TNRC18: variants seen among roughly 807,000 people sequenced by gnomAD.
TNRC18 encodes the protein trinucleotide repeat containing 18, also known as trinucleotide repeat-containing gene 18 protein.
Under a neutral mutation model 226.7 loss-of-function variants are expected in TNRC18, and 69 were observed. That is an observed-to-expected ratio of 0.30 (90% CI 0.25 to 0.37). TNRC18 has a LOEUF of 0.37. Among genes scored for constraint, TNRC18 ranks in the 10% least tolerant of loss-of-function variants. TNRC18 has a pLI of 1.00. For missense variants in TNRC18, 4,754 were observed against 4,256.6 expected, an observed-to-expected ratio of 1.12 and a Z score of -3.25; for synonymous variants, 2,449 against 1,927.6, an observed-to-expected ratio of 1.27 and a Z score of -7.09.
At position 5,312,377 on chromosome 7, in the gene TNRC18, G is replaced by A. The variant is rs1273554648; in HGVS notation, c.8388+126C>T. On this transcript the variant is annotated intron_variant, in intron 27 of 29. Transcript: ENST00000430969. This position sits in a 1 kb window ranked among gnomAD's most constrained non-coding sequence, Gnocchi z 6.3. ...AGTGTACCCATCCATAAAGTGGGAC[G>A]CCAGCCCTCCACCCTGGGGTTCTGG... The A allele has an allele frequency of 2.2e-5, 30 of 1,386,148 alleles. No individual in the cohort carries two copies. Among genetic ancestry groups the A allele is most frequent in the Middle Eastern group, 2.6e-4 (1 of 3,810 alleles). The allele number at this position is 1,386,148 out of a possible 1,614,324, so 85.9% of individuals were successfully genotyped here. A position where few individuals can be genotyped will look rare whatever the true frequency, so the allele number is the denominator to read the frequency against.
chr7:5,377,176 C>T lies in TNRC18; in HGVS notation c.2462-183G>A, dbSNP rs1048425705. ...CCCCAGAGCCACCCGCATTGGGCAT[C>T]TGCCCCAAACAGGCATGGCAGAGGG... On this transcript the variant is annotated intron_variant, in intron 7 of 29. Transcript: ENST00000430969. This position sits in a 1 kb window ranked among gnomAD's most constrained non-coding sequence, Gnocchi z 5.8. 6.6e-6 allele frequency among the ~76,000 whole-genome samples: 1 copy of T among 152,240 alleles called. No individual in the cohort carries two copies. Among genetic ancestry groups the T allele is most frequent in the African/African-American group, 2.4e-5 (1 of 41,464 alleles).
intron 21 of TNRC18, among the ~76,000 whole-genome samples, chr7:5,321,851 T>C (rs929626984): frequency 2.6e-5 from 4 of 151,802 alleles, no homozygotes; most frequent in African/African-American, 9.7e-5. Context: ...TTTGTATTTT[T>C]AGTAGAGACG....
intron 24 of TNRC18, 23 bp from the exon 25 acceptor site, chr7:5,316,095 G>A (rs763687877): frequency 2.5e-6 from 4 of 1,595,348 alleles, no homozygotes; most frequent in Non-Finnish European, 3.4e-6. Flanking sequence ...GGGAGGCTCA[G>A]GGGAGGCCCT....
intron 18 of TNRC18, among the ~76,000 whole-genome samples, chr7:5,338,532 G>A (rs1790341684): frequency 6.6e-6 from 1 of 151,212 alleles, no homozygotes; most frequent in African/African-American, 2.4e-5. Flanking sequence ...GATCATCTGA[G>A]GTCAGGACCA....
At chr7:5,322,792 T>C (rs1337267805) in intron 21 of TNRC18, among the ~76,000 whole-genome samples, 1 of 152,184 alleles carries the variant, frequency 6.6e-6, no homozygotes, top group Non-Finnish European at 1.5e-5. Flanking sequence ...ATTACCCAGA[T>C]GGCTCGCTGG....
Position 5,318,856 on chromosome 7 carries a change from T to C in TNRC18, c.6745+1462A>G, listed in dbSNP as rs190191227. 6.2e-3 allele frequency among the ~76,000 whole-genome samples: 940 copies of C among 152,206 alleles called. 5 individuals carry two copies. Among genetic ancestry groups the C allele is most frequent in the Non-Finnish European group, 0.011 (725 of 68,012 alleles). ...ACCCAGCTCAGCTATCTCTAAAAAA[T>C]CAGGGTAGAATGAAGCGATTACAAA... On this transcript the variant is annotated intron_variant, in intron 24 of 29. Coordinates refer to ENST00000430969, the MANE Select transcript of TNRC18 (RefSeq NM_001080495.3).
intron 5 of TNRC18, among the ~76,000 whole-genome samples, chr7:5,385,514 A>AAAAG (rs1562590995): frequency 8.4e-6 from 1 of 119,750 alleles, no homozygotes; most frequent in Admixed American, 8.2e-5. Flanking sequence ...AAAAAAAAAA[A>AAAAG]AAAGAAAAAA....
At chr7:5,310,224 G>A (rs1399543869) in intron 27 of TNRC18, among the ~76,000 whole-genome samples, 3 of 151,752 alleles carry the variant, frequency 2.0e-5, no homozygotes, top group African/African-American at 7.3e-5. Flanking sequence ...TTAAAAAATA[G>A]TTATTATTAT....
intron 17 of TNRC18, among the ~76,000 whole-genome samples, chr7:5,348,158 A>G (rs1791399538): frequency 6.6e-6 from 1 of 152,086 alleles, no homozygotes; most frequent in South Asian, 2.1e-4. Flanking sequence ...ACCCCCCACC[A>G]AAAAGAGAGA....
chr7:5,308,106 TC>T lies in TNRC18; in HGVS notation c.8906del (p.Ter2969=), dbSNP rs1276998005. ...AGGTGGCCCGCAGGGCCCGGCGGGCTCAGCAGAGCACGGGCACGCCGTCCGT... is the reference window on the plus strand; with the variant it reads ...AGGTGGCCCGCAGGGCCCGGCGGGCTAGCAGAGCACGGGCACGCCGTCCGT... ...FSTDGVPVLC[*>X] On this transcript the variant is annotated frameshift_variant and stop_lost, in exon 30 of 30. Transcript: ENST00000430969. LOFTEE classifies it high-confidence loss of function. 1.3e-6 allele frequency: 2 copies of T among 1,548,996 alleles called. No individual in the cohort carries two copies. Among genetic ancestry groups the T allele is most frequent in the South Asian group, 2.4e-5 (2 of 84,038 alleles).
At chr7:5,362,366 C>G (rs573915235) in intron 12 of TNRC18, among the ~76,000 whole-genome samples, 32 of 152,150 alleles carry the variant, frequency 2.1e-4, no homozygotes, top group African/African-American at 7.7e-4. Context: ...CCGTGGGCAC[C>G]TAAGGCCAGA....
chr7:5,348,567 G>A (rs1371656242), intron 17 of TNRC18, among the ~76,000 whole-genome samples: 1 of 150,642 alleles, frequency 6.6e-6, no homozygotes, highest in Non-Finnish European at 1.5e-5. Flanking sequence ...TCATGTATTG[G>A]AGACAGCCCG....
rs767617522 is a variant in TNRC18, at chr7:5,371,364, T to C, written c.3230A>G (p.Asp1077Gly). The C allele has an allele frequency of 3.3e-5, 50 of 1,506,422 alleles. No homozygotes were observed. Among genetic ancestry groups the C allele is most frequent in the Non-Finnish European group, 4.1e-5 (47 of 1,134,218 alleles). 93.3% of individuals were successfully genotyped at this position (1,506,422 alleles called of 1,614,324 possible). A position where few individuals can be genotyped will look rare whatever the true frequency, so the allele number is the denominator to read the frequency against. ...APSPFQALFS[D>G]IPPRYPFQAL... ...TTGGAACGGGTACCTGGGCGGGATA[T>C]CTGCCAAGGACACAGGGGTCAGCAT... is the stretch of plus-strand genomic sequence containing the variant. Residue 1077 changes from aspartate to glycine, a missense_variant and splice_region_variant, in exon 11 of 30, where the codon GAT (aspartate) becomes GGT (glycine). Physicochemically the swap from Asp to Gly is moderately conservative, Grantham distance 94. Transcript: ENST00000430969.
chr7:5,423,728 A>G lies in TNRC18; in HGVS notation c.-531T>C, dbSNP rs1782702506. On this transcript the variant is annotated 5_prime_UTR_variant, in exon 1 of 30. Coordinates refer to ENST00000430969, the MANE Select transcript of TNRC18 (RefSeq NM_001080495.3). ...CCCGCCGAGCTCCCCGCTTTTTAAT[A>G]AAATCCAGGTAGCGCCGGTTTAAAG... Among the ~76,000 whole-genome samples the G allele has an allele frequency of 6.6e-6, 1 of 151,788 alleles. No homozygotes were observed. The highest frequency in any genetic ancestry group is 2.1e-4 in the South Asian group (1 of 4,828).
chr7:5,420,460 G>C (rs957646292), intron 2 of TNRC18: 5 of 453,422 alleles, frequency 1.1e-5, no homozygotes, highest in Non-Finnish European at 1.8e-5. Context: ...CAGGTTCCCA[G>C]GGCCGCCGTT....
intron 11 of TNRC18, among the ~76,000 whole-genome samples, chr7:5,363,552 C>A (rs920409448): frequency 6.6e-6 from 1 of 151,968 alleles, no homozygotes; most frequent in Non-Finnish European, 1.5e-5. Flanking sequence ...TGCAGTAAGC[C>A]GAGATGGCGC....
intron 17 of TNRC18, among the ~76,000 whole-genome samples, chr7:5,351,303 A>G (rs1305531018): frequency 1.3e-5 from 2 of 152,176 alleles, no homozygotes; most frequent in African/African-American, 4.8e-5. Flanking sequence ...TTAAAAATGA[A>G]CTCGATATGT....
At chr7:5,364,930 C>A (rs1793467406) in intron 11 of TNRC18, among the ~76,000 whole-genome samples, 1 of 151,894 alleles carries the variant, frequency 6.6e-6, no homozygotes. Context: ...TGAGCTTGGA[C>A]CTTATAAAAA....
At chr7:5,369,377 A>G (rs772238976) in intron 11 of TNRC18, among the ~76,000 whole-genome samples, 1 of 152,132 alleles carries the variant, frequency 6.6e-6, no homozygotes, top group Non-Finnish European at 1.5e-5. Flanking sequence ...ACAACAAAGC[A>G]TGAACCGCAG....
Sources: gnomAD v4.1 joint callset for allele counts (sites outside exome capture counted in the v4.1 genomes callset) on GRCh38, gnomAD v4.1.1 for gene constraint, Gnocchi (gnomAD v3.1) non-coding constraint, MANE v1.5 for transcripts, NCBI Gene and HGNC (gene_info 2026-07-23, HGNC 2026-07-21) for gene names.